DNMBP: variants seen among roughly 807,000 people sequenced by gnomAD.
DNMBP encodes the protein dynamin binding protein, also known as dynamin-binding protein.
In DNMBP, 87 loss-of-function variants were observed where a neutral mutation model predicts 150.0. The observed-to-expected ratio is 0.58, with a 90% CI of 0.49 to 0.69. DNMBP has a LOEUF of 0.69. Ranked by LOEUF, DNMBP falls within the 30% of genes least tolerant of loss-of-function variation. The probability of loss-of-function intolerance (pLI) is 0.00; values close to 1 mark genes in which losing one functional copy is unlikely to be tolerated. For synonymous variants in DNMBP, 711 were observed against 750.4 expected (o/e 0.95, Z 0.86); for missense variants, 1,774 against 1,949.0 (o/e 0.91, Z 1.69).
Position 99,968,311 on chromosome 10 carries a change from T to G in DNMBP, c.268+804A>C, listed in dbSNP as rs532626423. Among the ~76,000 whole-genome samples the G allele has an allele frequency of 1.4e-3, 212 of 152,280 alleles. 3 individuals carry two copies. The highest frequency in any genetic ancestry group is 3.4e-3 in the Middle Eastern group (1 of 294). ...ATTATACATTAATAAATGGTAATAT[T>G]GTTAGCAAAGCCGTACCCAGTTATT... is the stretch of plus-strand genomic sequence containing the variant. On this transcript the variant is annotated intron_variant, in intron 3 of 16. Coordinates refer to ENST00000324109, the MANE Select transcript of DNMBP (RefSeq NM_015221.4).
intron 4 of DNMBP, among the ~76,000 whole-genome samples, chr10:99,938,633 G>A (rs193279536): frequency 9.2e-5 from 14 of 152,282 alleles, no homozygotes; most frequent in East Asian, 1.9e-4. Flanking sequence ...TTCTAAGTCC[G>A]ATTGCCTTTA....
chr10:99,965,193 C>A (rs1438638130), intron 3 of DNMBP, among the ~76,000 whole-genome samples: 2 of 152,180 alleles, frequency 1.3e-5, no homozygotes, highest in South Asian at 2.1e-4. Flanking sequence ...CTCACAATCA[C>A]CCTGAGGTAG....
intron 7 of DNMBP, 56 bp downstream of exon 7, chr10:99,899,863 G>A (rs1273919909): frequency 6.3e-6 from 10 of 1,582,032 alleles, no homozygotes; most frequent in Non-Finnish European, 8.7e-6. Flanking sequence ...ATATACACAG[G>A]TATAACTTAG....
chr10:99,965,212 T>A (rs966984615), intron 3 of DNMBP, among the ~76,000 whole-genome samples: 2 of 152,100 alleles, frequency 1.3e-5, no homozygotes, highest in South Asian at 2.1e-4. Context: ...AGGTATTATA[T>A]TATTATCCTC....
chr10:99,978,125 A>G (rs1297432131), intron 1 of DNMBP, among the ~76,000 whole-genome samples: 2 of 152,216 alleles, frequency 1.3e-5, no homozygotes, highest in Non-Finnish European at 2.9e-5. Flanking sequence ...GGGTGCCTGC[A>G]TTCCAATCCC....
intron 4 of DNMBP, among the ~76,000 whole-genome samples, chr10:99,910,181 A>ACT (rs1376981074): frequency 6.6e-6 from 1 of 152,068 alleles, no homozygotes; most frequent in Non-Finnish European, 1.5e-5. Context: ...AAACTACTTA[A>ACT]GGAAAGTCGG....
chr10:99,898,017 T>C (rs1374241066), intron 9 of DNMBP, 69 bp downstream of exon 9: 4 of 1,377,358 alleles, frequency 2.9e-6, no homozygotes, highest in Non-Finnish European at 4.1e-6. Flanking sequence ...AGCGAAGTAA[T>C]GAATTGTTTT....
intron 1 of DNMBP, among the ~76,000 whole-genome samples, chr10:100,000,205 T>G (rs2040994199): frequency 6.6e-6 from 1 of 152,170 alleles, no homozygotes; most frequent in African/African-American, 2.4e-5. Flanking sequence ...CTAAAAAGTT[T>G]CCACATTGCA....
intron 9 of DNMBP, 68 bp downstream of exon 9, chr10:99,898,018 G>T: frequency 7.2e-7 from 1 of 1,391,856 alleles, no homozygotes. Flanking sequence ...GCGAAGTAAT[G>T]AATTGTTTTG....
At chr10:99,922,282 C>A (rs564383197) in intron 4 of DNMBP, among the ~76,000 whole-genome samples, 39 of 152,092 alleles carry the variant, frequency 2.6e-4, no homozygotes, top group Non-Finnish European at 4.7e-4. Flanking sequence ...TCCCCCTTCC[C>A]ACTGTACCCC....
chr10:100,002,943 CTT>C (rs2133391162), intron 1 of DNMBP, among the ~76,000 whole-genome samples: 1 of 152,252 alleles, frequency 6.6e-6, no homozygotes, highest in South Asian at 2.1e-4. Flanking sequence ...TAGACTCACT[CTT>C]TTTAAGACTG....
chr10:99,919,553 G>A (rs1272301694), intron 4 of DNMBP, among the ~76,000 whole-genome samples: 2 of 152,212 alleles, frequency 1.3e-5, no homozygotes, highest in Non-Finnish European at 2.9e-5. Context: ...AGCACTTTGG[G>A]AGGCCAAGGC....
intron 1 of DNMBP, among the ~76,000 whole-genome samples, chr10:100,007,968 C>T (rs1986646): frequency 0.09 from 13,741 of 152,324 alleles, 676 homozygotes; most frequent in Middle Eastern, 0.23. Flanking sequence ...TCTAAGGATG[C>T]TTTGGCAGAT....
intron 4 of DNMBP, among the ~76,000 whole-genome samples, chr10:99,948,749 G>A (rs1231054578): frequency 8.5e-5 from 13 of 152,058 alleles, no homozygotes; most frequent in Admixed American, 6.6e-4. Flanking sequence ...GATCACTTGA[G>A]GCTAGGAGTT....
intron 4 of DNMBP, among the ~76,000 whole-genome samples, chr10:99,942,454 GGCAGCAAGCA>G: frequency 6.6e-6 from 1 of 152,298 alleles, no homozygotes; most frequent in East Asian, 1.9e-4. Context: ...AACAGTAAAA[GGCAGCAAGCA>G]GCTCAGGTAG....
At chr10:99,885,912 G>C in intron 13 of DNMBP, 46 bp from the exon 14 acceptor site, 2 of 1,496,458 alleles carry the variant, frequency 1.3e-6, no homozygotes, top group Non-Finnish European at 1.8e-6. Context: ...AAGAAAACAC[G>C]ATAAAAGATC....
intron 3 of DNMBP, among the ~76,000 whole-genome samples, chr10:99,960,982 A>G (rs1187298461): frequency 6.6e-6 from 1 of 152,004 alleles, no homozygotes; most frequent in Non-Finnish European, 1.5e-5. Context: ...GTCTCTAAAA[A>G]ATAAAATAAA....
intron 4 of DNMBP, among the ~76,000 whole-genome samples, chr10:99,944,974 G>A (rs141114662): frequency 1.5e-4 from 23 of 152,164 alleles, no homozygotes; most frequent in Non-Finnish European, 2.2e-4. Context: ...AAGAACTCCC[G>A]AGGGTAAATC....
intron 4 of DNMBP, chr10:99,928,270 C>T (rs2040105093): frequency 6.6e-6 from 1 of 152,228 alleles, no homozygotes; most frequent in Admixed American, 6.5e-5. Context: ...AGGACCATAG[C>T]AGGCTTATCT....
Sources: allele counts gnomAD v4.1 joint callset (sites outside exome capture counted in the v4.1 genomes callset), GRCh38; gene constraint gnomAD v4.1.1; transcripts MANE v1.5; gene names NCBI Gene and HGNC (gene_info 2026-07-23, HGNC 2026-07-21).